The following VPS50 variants were observed in gnomAD, a reference collection of about 807,000 sequenced individuals.
VPS50 encodes the protein VPS50 subunit of EARP/GARPII complex.
Under a neutral mutation model 139.7 loss-of-function variants are expected in VPS50, and 70 were observed. That is an observed-to-expected ratio of 0.50 (90% CI 0.41 to 0.61). VPS50 has a LOEUF of 0.61. VPS50 is among the 20% of genes least tolerant of loss of function. The pLI, the probability that VPS50 is intolerant of heterozygous loss-of-function variation, is 0.00. For synonymous variants in VPS50, 365 were observed against 376.7 expected, an observed-to-expected ratio of 0.97 and a Z score of 0.36; for missense variants, 921 against 1,133.7, an observed-to-expected ratio of 0.81 and a Z score of 2.69.
At chr7:93,252,874 G>T in intron 3 of VPS50, 99 bp downstream of exon 3, 1 of 882,746 alleles carries the variant, frequency 1.1e-6, no homozygotes, top group Non-Finnish European at 1.7e-6. Context: ...TGTATTTTTG[G>T]TACCAGAATA....
At chr7:93,281,413 G>C (rs1255636015) in intron 12 of VPS50, among the ~76,000 whole-genome samples, 1 of 152,018 alleles carries the variant, frequency 6.6e-6, no homozygotes, top group Non-Finnish European at 1.5e-5. Context: ...TAAATCCTCA[G>C]GATTTTTGTT....
At chr7:93,298,607 T>A (rs1796881623) in intron 16 of VPS50, among the ~76,000 whole-genome samples, 1 of 152,206 alleles carries the variant, frequency 6.6e-6, no homozygotes, top group Non-Finnish European at 1.5e-5. Context: ...TTTAGTAGCT[T>A]CCATTCTGCA....
At position 93,311,209 on chromosome 7, in the gene VPS50, AGTC is replaced by A. The variant is rs1250199520; in HGVS notation, c.1793_1795del (p.Ser598_Leu599delinsIle). ...AAAAAGCAGGAAGAAATCAGATTAC[AGTC>A]TAAATAAAGTGAATGCACCTATCTT... On this transcript the variant is annotated inframe_deletion, in exon 20 of 28. Coordinates refer to ENST00000305866, the MANE Select transcript of VPS50 (RefSeq NM_017667.4). The A allele has an allele frequency of 2.1e-6, 3 of 1,432,570 alleles. No homozygotes were observed. Among genetic ancestry groups the A allele is most frequent in the Non-Finnish European group, 3.0e-6 (3 of 1,014,904 alleles). 88.7% of individuals were successfully genotyped at this position (1,432,570 alleles called of 1,614,324 possible).
intron 22 of VPS50, among the ~76,000 whole-genome samples, chr7:93,336,461 T>C (rs1584482583): frequency 6.6e-6 from 1 of 152,252 alleles, no homozygotes; most frequent in African/African-American, 2.4e-5. Context: ...GAATTTTTAG[T>C]TATCCATTTG....
At chr7:93,294,298 A>G (rs539580918) in intron 13 of VPS50, among the ~76,000 whole-genome samples, 6 of 150,674 alleles carry the variant, frequency 4.0e-5, no homozygotes, top group Admixed American at 2.6e-4. Flanking sequence ...TAGAATCCCA[A>G]CTCAGTCACA....
At chr7:93,322,599 C>CA (rs71528064) in intron 20 of VPS50, among the ~76,000 whole-genome samples, 24,859 of 65,148 alleles carry the variant, frequency 0.38, 4,707 homozygotes, top group East Asian at 0.47. Context: ...GACTCCGTCT[C>CA]AAAAAAAAAA....
At chr7:93,251,604 T>A (rs1179500004) in intron 2 of VPS50, among the ~76,000 whole-genome samples, 2 of 152,066 alleles carry the variant, frequency 1.3e-5, no homozygotes, top group African/African-American at 2.4e-5. Context: ...CACGATGGCA[T>A]GTGTATACCT....
At chr7:93,332,225 C>A (rs1310084949) in intron 21 of VPS50, among the ~76,000 whole-genome samples, 3 of 152,222 alleles carry the variant, frequency 2.0e-5, no homozygotes, top group Non-Finnish European at 4.4e-5. Context: ...GATGGAAGCA[C>A]CCTTTCTGGC....
At chr7:93,356,690 A>G (rs1430063382) in intron 27 of VPS50, among the ~76,000 whole-genome samples, 1 of 152,178 alleles carries the variant, frequency 6.6e-6, no homozygotes, top group East Asian at 1.9e-4. Flanking sequence ...TTTTTGACAC[A>G]GTTCAACTCA....
At position 93,306,000 on chromosome 7, in the gene VPS50, A is replaced by T; in HGVS notation, c.1625A>T (p.Asn542Ile). Reference protein sequence around the residue: ...DEETEDVLASNGYESDEQEKS... With the variant: ...DEETEDVLASIGYESDEQEKS... ...GAAACAGAAGATGTCTTAGCTTCTAATGGGGTATGTGGTGTATGTGAAACA... is the reference window on the plus strand; with the variant it reads ...GAAACAGAAGATGTCTTAGCTTCTATTGGGGTATGTGGTGTATGTGAAACA... The change falls in exon 18 of 28, where the codon AAT (asparagine) becomes ATT (isoleucine). Residue 542 changes from asparagine (N) to isoleucine (I), a missense_variant. Asn to Ile is a moderately radical substitution (Grantham distance 149). Coordinates refer to ENST00000305866, the MANE Select transcript of VPS50 (RefSeq NM_017667.4). The T allele has an allele frequency of 6.2e-7, 1 of 1,609,066 alleles. No homozygotes were observed. Among genetic ancestry groups the T allele is most frequent in the South Asian group, 1.1e-5 (1 of 90,942 alleles).
In VPS50 at chr7:93,297,129, C is replaced by G; in HGVS notation, c.1263-16C>G. The G allele has an allele frequency of 6.4e-7, 1 of 1,551,632 alleles. No homozygotes were observed. The highest frequency in any genetic ancestry group is 8.6e-7 in the Non-Finnish European group (1 of 1,160,762). On this transcript the variant is annotated splice_polypyrimidine_tract_variant and intron_variant, in intron 15 of 27. Coordinates refer to ENST00000305866, the MANE Select transcript of VPS50 (RefSeq NM_017667.4). The stretch of plus-strand genomic sequence containing the variant: ...GGCTGCTGCTGAAATTTACTGAAAC[C>G]TTTTTATCCAACTAGGTTGATGCAA...
At chr7:93,264,099 CAT>C (rs1795769763) in intron 9 of VPS50, among the ~76,000 whole-genome samples, 1 of 152,152 alleles carries the variant, frequency 6.6e-6, no homozygotes, top group African/African-American at 2.4e-5. Flanking sequence ...TAATCCCCCA[CAT>C]AGACTGAGGA....
In VPS50 at chr7:93,348,708, T is replaced by C. The variant is rs772059992; in HGVS notation, c.2208-3T>C. ...TACACAGTGGGTTATTTATTCCCTTTAGGGTATTCTTGGCTGAACAGTTTG... is the reference window on the plus strand; with the variant it reads ...TACACAGTGGGTTATTTATTCCCTTCAGGGTATTCTTGGCTGAACAGTTTG... On this transcript the variant is annotated splice_region_variant and splice_polypyrimidine_tract_variant and intron_variant, in intron 23 of 27. Coordinates refer to ENST00000305866, the MANE Select transcript of VPS50 (RefSeq NM_017667.4). 3.8e-6 allele frequency: 6 copies of C among 1,598,310 alleles called. No individual in the cohort carries two copies. Among genetic ancestry groups the C allele is most frequent in the Non-Finnish European group, 5.1e-6 (6 of 1,166,020 alleles).
In VPS50 at chr7:93,232,368, G is replaced by T; in HGVS notation, c.-100G>T. ...ATACCCTGGGTCGGCTCCTCCACGTGACCACCCACTATGGCTTCCTAGTGT... is the reference window on the plus strand; with the variant it reads ...ATACCCTGGGTCGGCTCCTCCACGTTACCACCCACTATGGCTTCCTAGTGT... On this transcript the variant is annotated 5_prime_UTR_variant, in exon 1 of 28. Transcript: ENST00000305866. 1 of 995,660 alleles carries T rather than the reference G, an allele frequency of 1.0e-6. No homozygotes were observed. The highest frequency in any genetic ancestry group is 1.3e-5 in the South Asian group (1 of 76,406). The allele number at this position is 995,660 out of a possible 1,614,324, so 61.7% of individuals were successfully genotyped here.
intron 13 of VPS50, among the ~76,000 whole-genome samples, chr7:93,293,666 G>A (rs1473844656): frequency 2.0e-5 from 3 of 152,182 alleles, no homozygotes; most frequent in African/African-American, 7.2e-5. Context: ...TATCTCTTTA[G>A]TGATAATATT....
intron 22 of VPS50, among the ~76,000 whole-genome samples, chr7:93,335,192 A>G (rs1290474324): frequency 6.6e-6 from 1 of 152,202 alleles, no homozygotes; most frequent in East Asian, 1.9e-4. Context: ...TGTGTAACAT[A>G]GTGTCAGATA....
At chr7:93,256,286 T>C (rs944667696) in intron 4 of VPS50, 5 of 301,274 alleles carry the variant, frequency 1.7e-5, no homozygotes, top group Non-Finnish European at 1.8e-5. Flanking sequence ...ATTTATTGAG[T>C]TTCTGTTAAG....
intron 9 of VPS50, among the ~76,000 whole-genome samples, chr7:93,270,662 A>T (rs1223075480): frequency 6.6e-6 from 1 of 151,902 alleles, no homozygotes; most frequent in African/African-American, 2.4e-5. Flanking sequence ...CCAAGAGGTT[A>T]TATCAGTTTC....
In VPS50 at chr7:93,253,884, C is replaced by T; in HGVS notation, c.250C>T (p.Gln84Ter). Residue 84 changes from glutamine (Q) to a stop codon, truncating the protein, a stop_gained, in exon 4 of 28, where the codon CAA (glutamine) becomes TAA (stop). Coordinates refer to ENST00000305866, the MANE Select transcript of VPS50 (RefSeq NM_017667.4). LOFTEE classifies it high-confidence loss of function. Reference protein sequence around the residue: ...LEKLPPVLNLQELEAYRDKLK... With the variant: ...LEKLPPVLNL ...GAAGCTTCCACCTGTTCTCAATTTGCAAGAATTAGAGGCGTATAGAGACAA... is the reference window on the plus strand; with the variant it reads ...GAAGCTTCCACCTGTTCTCAATTTGTAAGAATTAGAGGCGTATAGAGACAA... The T allele has an allele frequency of 1.9e-6, 3 of 1,595,594 alleles. No homozygotes were observed. The highest frequency in any genetic ancestry group is 2.6e-6 in the Non-Finnish European group (3 of 1,166,542).
Sources: gnomAD v4.1 joint callset for allele counts (sites outside exome capture counted in the v4.1 genomes callset) on GRCh38, gnomAD v4.1.1 for gene constraint, MANE v1.5 for transcripts, NCBI Gene and HGNC (gene_info 2026-07-23, HGNC 2026-07-21) for gene names.